CHRNB4: variants seen among roughly 807,000 people sequenced by gnomAD.
CHRNB4 encodes neuronal acetylcholine receptor subunit beta-4.
CHRNB4 carries 23 observed loss-of-function variants against 40.4 expected under a neutral mutation model. The observed-to-expected ratio is 0.57, with a 90% CI of 0.41 to 0.81. CHRNB4 has a LOEUF of 0.81. Ranked by LOEUF, CHRNB4 falls within the 30% of genes least tolerant of loss-of-function variation. The probability of loss-of-function intolerance (pLI) is 0.00; values close to 1 mark genes in which losing one functional copy is unlikely to be tolerated. For missense variants in CHRNB4, 568 were observed against 670.6 expected (o/e 0.85, Z 1.69); for synonymous variants, 285 against 274.4 (o/e 1.04, Z -0.38).
In CHRNB4 at chr15:78,625,043, C is replaced by T. The variant is rs768209304; in HGVS notation, c.*90G>A. On this transcript the variant is annotated 3_prime_UTR_variant, in exon 6 of 6. Coordinates refer to ENST00000261751, the MANE Select transcript of CHRNB4 (RefSeq NM_000750.5). ...TTGATGGCCAATGCTCACATATTTA[C>T]TTAGGGCCTCATCAGCCACAACCCA... The T allele has an allele frequency of 2.5e-6, 4 of 1,606,296 alleles. No individual in the cohort carries two copies. Among genetic ancestry groups the T allele is most frequent in the Middle Eastern group, 1.7e-4 (1 of 6,060 alleles).
At chr15:78,644,824 G>C (rs2054109663), upstream of CHRNB4, among the ~76,000 whole-genome samples, 1 of 152,072 alleles carries the variant, frequency 6.6e-6, no homozygotes, top group Admixed American at 6.5e-5. Flanking sequence ...TGTAGTAATT[G>C]AGGGGCCAAG....
intron 5 of CHRNB4, chr15:78,655,418 C>A (rs552180419): frequency 1.4e-4 from 21 of 148,058 alleles, no homozygotes; most frequent in African/African-American, 5.2e-4. Context: ...CTATATATAT[C>A]TATATATCTA....
At chr15:78,640,700 C>G (rs571633096) in intron 1 of CHRNB4, among the ~76,000 whole-genome samples, 9 of 152,354 alleles carry the variant, frequency 5.9e-5, no homozygotes, top group African/African-American at 2.2e-4. Context: ...AGGAAGGAGC[C>G]TCGGCCCTGT....
At chr15:78,650,670 C>T (rs770657857) in intron 6 of CHRNB4, among the ~76,000 whole-genome samples, 7 of 152,166 alleles carry the variant, frequency 4.6e-5, no homozygotes, top group Non-Finnish European at 8.8e-5. Flanking sequence ...TGAAGGTGGC[C>T]GTGGCCGCAA....
intron 1 of CHRNB4, among the ~76,000 whole-genome samples, chr15:78,637,734 A>G (rs1209077968): frequency 1.3e-5 from 2 of 152,254 alleles, no homozygotes; most frequent in East Asian, 3.9e-4. Context: ...GACTTCATCC[A>G]CTTTCCAACT....
At chr15:78,655,390 T>C (rs1298837675) in intron 5 of CHRNB4, among the ~76,000 whole-genome samples, 1 of 141,268 alleles carries the variant, frequency 7.1e-6, no homozygotes, top group East Asian at 1.9e-4. Context: ...TAATTTTGTG[T>C]ATATATACGT....
intron 1 of CHRNB4, among the ~76,000 whole-genome samples, chr15:78,640,192 G>C (rs2141397593): frequency 6.6e-6 from 1 of 152,284 alleles, no homozygotes; most frequent in South Asian, 2.1e-4. Flanking sequence ...CCTATGGTGG[G>C]TCTCTATCCA....
chr15:78,636,049 A>G (rs957665121), intron 1 of CHRNB4, among the ~76,000 whole-genome samples: 5 of 152,068 alleles, frequency 3.3e-5, no homozygotes, highest in African/African-American at 1.2e-4. Flanking sequence ...CTGGGATTAC[A>G]GGCCTGCGCC....
In CHRNB4 at chr15:78,629,103, G is replaced by A; in HGVS notation, c.1202C>T (p.Ala401Val). The A allele has an allele frequency of 6.2e-7, 1 of 1,614,212 alleles. No homozygotes were observed. Among genetic ancestry groups the A allele is most frequent in the Middle Eastern group, 1.6e-4 (1 of 6,062 alleles). ...NPASAASKSP[A>V]GSTPVAIPRD... Reference sequence around the variant, plus strand: ...GGGGATAGCCACCGGGGTAGAGCCGGCTGGAGACTTGGAAGCTGCAGAGGC... The same window carrying A: ...GGGGATAGCCACCGGGGTAGAGCCGACTGGAGACTTGGAAGCTGCAGAGGC... Residue 401 changes from alanine (A) to valine (V), a missense_variant, in exon 5 of 6, where the codon GCC becomes GTC. Ala to Val is a moderately conservative substitution (Grantham distance 64, BLOSUM62 0). This residue lies in a region of CHRNB4 where 242 missense variants were observed against 274.9 expected (regional missense o/e 0.88). Coordinates refer to ENST00000261751, the MANE Select transcript of CHRNB4 (RefSeq NM_000750.5). This position sits in a 1 kb window ranked among gnomAD's most constrained non-coding sequence, Gnocchi z 6.8.
chr15:78,654,540 T>G (rs908106485), intron 5 of CHRNB4, among the ~76,000 whole-genome samples: 12 of 152,100 alleles, frequency 7.9e-5, no homozygotes, highest in African/African-American at 2.7e-4. Flanking sequence ...CTCTTTAACC[T>G]CTCTGTGCCT....
upstream of CHRNB4, chr15:78,641,388 G>A (rs568196975): frequency 4.5e-5 from 20 of 448,108 alleles, no homozygotes; most frequent in South Asian, 1.2e-4. Flanking sequence ...TTCGGGCCTC[G>A]CAACCTTCCC....
intron 5 of CHRNB4, among the ~76,000 whole-genome samples, chr15:78,655,366 C>A (rs2054204035): frequency 6.8e-6 from 1 of 147,944 alleles, no homozygotes; most frequent in Non-Finnish European, 1.5e-5. Context: ...CAGCTGCACA[C>A]CACCACACCT....
intron 1 of CHRNB4, among the ~76,000 whole-genome samples, chr15:78,636,627 G>A (rs1227121399): frequency 6.9e-6 from 1 of 145,548 alleles, no homozygotes; most frequent in Non-Finnish European, 1.5e-5. Flanking sequence ...TTTTTTTTTA[G>A]AGACAGGGTC....
chr15:78,656,492 C>T (rs943295773), exon 4 of CHRNB4: 2 of 151,998 alleles, frequency 1.3e-5, no homozygotes, highest in Non-Finnish European at 1.5e-5. Context: ...CACACATGCC[C>T]CATAAATTTG....
intron 7 of CHRNB4, among the ~76,000 whole-genome samples, chr15:78,646,614 T>C (rs572103584): frequency 2.6e-5 from 4 of 152,290 alleles, no homozygotes; most frequent in African/African-American, 7.2e-5. Flanking sequence ...CAGAGGGCCA[T>C]CTTTTTGTAT....
Position 78,629,848 on chromosome 15 carries a change from A to G in CHRNB4, c.457T>C (p.Cys153Arg), listed in dbSNP as rs1237700753. 1 of 1,614,026 alleles carries G rather than the reference A, an allele frequency of 6.2e-7. No individual in the cohort carries two copies. Among genetic ancestry groups the G allele is most frequent in the African/African-American group, 1.3e-5 (1 of 75,028 alleles). Reference sequence around the variant, plus strand: ...GGAAAGTACTTCACCTCAATCTTGCAGGCGCTCTTGTAGATGGCAGGGGGC... The same window carrying G: ...GGAAAGTACTTCACCTCAATCTTGCGGGCGCTCTTGTAGATGGCAGGGGGC... The part of the protein sequence containing the change: ...WLPPAIYKSA[C>R]KIEVKYFPFD... Residue 153 changes from cysteine (C) to arginine (R), a missense_variant, in exon 5 of 6, where the codon TGC becomes CGC. Cys to Arg is a radical substitution (Grantham distance 180, BLOSUM62 -3). Transcript: ENST00000261751. This position sits in a 1 kb window ranked among gnomAD's most constrained non-coding sequence, Gnocchi z 6.8.
chr15:78,625,530 T>G (rs76878137), intron 5 of CHRNB4, among the ~76,000 whole-genome samples: 1 of 152,320 alleles, frequency 6.6e-6, no homozygotes, highest in East Asian at 1.9e-4. Flanking sequence ...CACTGGGAAC[T>G]TGGGCTGTAC....
rs1491016702 is a variant in CHRNB4 at position 78,632,169 on chromosome 15, TTC to T, written c.205-839_205-838del. 2.2e-3 allele frequency among the ~76,000 whole-genome samples: 125 copies of T among 56,886 alleles called. 3 individuals carry two copies. Among genetic ancestry groups the T allele is most frequent in the African/African-American group, 5.8e-3 (124 of 21,544 alleles). The allele number at this position is 56,886 out of a possible 152,430, so 37.3% of individuals were successfully genotyped here. On this transcript the variant is annotated intron_variant, in intron 2 of 5. Transcript: ENST00000261751. Reference sequence around the variant, plus strand: ...TCTTTCTGTCTTTCTTTTCTTTTCTTTCTCTTTCTTTCTTTCTTTCTTTCTTT... The same window carrying T: ...TCTTTCTGTCTTTCTTTTCTTTTCTTTCTTTCTTTCTTTCTTTCTTTCTTT...
chr15:78,625,350 C>T (rs2053628215), intron 5 of CHRNB4, 59 bp from the exon 6 acceptor site: 3 of 1,459,696 alleles, frequency 2.1e-6, no homozygotes, highest in South Asian at 2.8e-5. Flanking sequence ...CTCCTTTCCC[C>T]GAGTCAGGCC....
Sources: allele counts gnomAD v4.1 joint callset (sites outside exome capture counted in the v4.1 genomes callset), GRCh38; gene constraint gnomAD v4.1.1; regional missense constraint gnomAD v4.1.1; non-coding constraint Gnocchi (gnomAD v3.1); transcripts MANE v1.5; gene names NCBI Gene and HGNC (gene_info 2026-07-23, HGNC 2026-07-21).